The following JHY variants were observed in gnomAD, a reference collection of about 807,000 sequenced individuals.
JHY encodes the protein jhy protein homolog.
Under a neutral mutation model 78.0 loss-of-function variants are expected in JHY, and 69 were observed. The observed-to-expected ratio is 0.88, with a 90% CI of 0.73 to 1.08. The LOEUF is 1.08. JHY is among the 50% of genes least tolerant of loss of function. JHY has a pLI of 0.00. For missense variants in JHY, 944 were observed against 927.8 expected (o/e 1.02, Z -0.23); for synonymous variants, 368 against 342.6 (o/e 1.07, Z -0.82).
intron 6 of JHY, 37 bp from the exon 7 acceptor site, chr11:122,956,459 T>C (rs1336415824): frequency 1.3e-6 from 2 of 1,597,170 alleles, no homozygotes; most frequent in East Asian, 2.2e-5. Flanking sequence ...GACACACAAG[T>C]CCTTAAAAGA....
chr11:122,884,990 T>G (rs74518691), intron 1 of JHY, among the ~76,000 whole-genome samples: 2 of 140,970 alleles, frequency 1.4e-5, no homozygotes, highest in African/African-American at 5.4e-5. Flanking sequence ...TTTTTTTTTT[T>G]GTAGAGATGG....
chr11:122,947,584 T>C lies in JHY; in HGVS notation c.1929+792T>C, dbSNP rs192647677. Reference sequence around the variant, plus strand: ...CTCAGGAAAGGTCACTTGCTTCCAGTGTCAAATCATAAGAAAAAAGCTGGA... The same window carrying C: ...CTCAGGAAAGGTCACTTGCTTCCAGCGTCAAATCATAAGAAAAAAGCTGGA... On this transcript the variant is annotated intron_variant, in intron 6 of 8. Coordinates refer to ENST00000227349, the MANE Select transcript of JHY (RefSeq NM_024806.4). 330 of 152,252 alleles carry C rather than the reference T, an allele frequency of 2.2e-3. 2 individuals carry two copies. Among genetic ancestry groups the C allele is most frequent in the African/African-American group, 7.5e-3 (312 of 41,542 alleles). 9.4% of individuals were successfully genotyped at this position (152,252 alleles called of 1,614,324 possible).
intron 3 of JHY, among the ~76,000 whole-genome samples, chr11:122,906,794 T>C (rs1031911937): frequency 2.0e-5 from 3 of 152,172 alleles, no homozygotes; most frequent in African/African-American, 7.2e-5. Flanking sequence ...CACAGCTGAA[T>C]TTTCTTTTCT....
At position 122,886,057 on chromosome 11, in the gene JHY, G is replaced by A. The variant is rs199817589; in HGVS notation, c.208G>A (p.Glu70Lys). 111 of 1,614,044 alleles carry A rather than the reference G, an allele frequency of 6.9e-5. No homozygotes were observed. The highest frequency in any genetic ancestry group is 9.1e-5 in the Non-Finnish European group (107 of 1,180,052). Residue 70 changes from glutamate (E) to lysine (K), a missense_variant, in exon 2 of 9, where the codon GAG (glutamate) becomes AAG (lysine). Physicochemically the swap from Glu to Lys is moderately conservative, Grantham distance 56. Coordinates refer to ENST00000227349, the MANE Select transcript of JHY (RefSeq NM_024806.4). ...TGATCGAATCCGGGGCAACGGTATG[G>A]AGCCCGACAGCTTAGACGAGGAGGA... ...FDDRIRGNGM[E>K]PDSLDEEESP...
chr11:122,918,310 T>C, intron 3 of JHY, among the ~76,000 whole-genome samples: 1 of 151,426 alleles, frequency 6.6e-6, no homozygotes, highest in East Asian at 1.9e-4. Flanking sequence ...AGGAAGGAGA[T>C]GGGCAACAGA....
chr11:122,934,852 G>A lies in JHY; in HGVS notation c.1411G>A (p.Gly471Arg). Reference sequence around the variant, plus strand: ...TGGGCTGAATGTTAATAAAGAAAGAGGACACAAAGACCAAGAAGAGAAAAG... The same window carrying A: ...TGGGCTGAATGTTAATAAAGAAAGAAGACACAAAGACCAAGAAGAGAAAAG... ...DSGLNVNKERGHKDQEEKRFS... is the reference protein window; with the variant it reads ...DSGLNVNKERRHKDQEEKRFS... Residue 471 changes from glycine (G) to arginine (R), a missense_variant, in exon 5 of 9, where the codon GGA (glycine) becomes AGA (arginine). Gly to Arg is a moderately radical substitution (Grantham distance 125). Coordinates refer to ENST00000227349, the MANE Select transcript of JHY (RefSeq NM_024806.4). 6.2e-7 allele frequency: 1 copy of A among 1,613,896 alleles called. No homozygotes were observed.
chr11:122,954,578 G>A (rs1213645379), intron 6 of JHY, among the ~76,000 whole-genome samples: 2 of 152,176 alleles, frequency 1.3e-5, no homozygotes, highest in South Asian at 2.1e-4. Context: ...GCTAAATTCT[G>A]TCTTAGAAAA....
chr11:122,923,935 C>T (rs1026890440), intron 3 of JHY, among the ~76,000 whole-genome samples: 80 of 116,016 alleles, frequency 6.9e-4, no homozygotes, highest in African/African-American at 2.6e-3. Context: ...GATAGGGTTT[C>T]GCCATCTTGG....
At chr11:122,928,109 TG>T (rs1455867576) in intron 4 of JHY, among the ~76,000 whole-genome samples, 1 of 152,212 alleles carries the variant, frequency 6.6e-6, no homozygotes, top group Non-Finnish European at 1.5e-5. Context: ...CACAGTGCTT[TG>T]CCCAAGGCTG....
intron 4 of JHY, among the ~76,000 whole-genome samples, 172 bp from the exon 5 acceptor site, chr11:122,934,248 G>A (rs1052570533): frequency 5.3e-5 from 8 of 151,798 alleles, no homozygotes; most frequent in Admixed American, 6.6e-5. Flanking sequence ...CCTGGGAGGC[G>A]GAGCTTGCAG....
intron 3 of JHY, among the ~76,000 whole-genome samples, chr11:122,910,194 G>A (rs1324133513): frequency 6.6e-6 from 1 of 152,106 alleles, no homozygotes; most frequent in Non-Finnish European, 1.5e-5. Context: ...GTGGAGAGGG[G>A]CCAGGTGTGG....
Position 122,913,548 on chromosome 11 carries a change from A to T in JHY, c.864+9104A>T, listed in dbSNP as rs371100923. Among the ~76,000 whole-genome samples the T allele has an allele frequency of 7.9e-5, 12 of 152,178 alleles. No individual in the cohort carries two copies. The East Asian group carries it at 2.3e-3, about 29-fold the overall frequency. ...TCAAATGCCTGGCCATACTCCAGGA[A>T]CTCACAGAGCCCAGACCCGGCATTT... On this transcript the variant is annotated intron_variant, in intron 3 of 8. Transcript: ENST00000227349.
In JHY at chr11:122,961,428, C is replaced by T. The variant is rs577122708; in HGVS notation, c.*1983C>T. ...TGCAACTCCGCCTCCTGGATTCAAGCGATTCTCCTGTCTCAGCCTCCCTTC... is the reference window on the plus strand; with the variant it reads ...TGCAACTCCGCCTCCTGGATTCAAGTGATTCTCCTGTCTCAGCCTCCCTTC... On this transcript the variant is annotated 3_prime_UTR_variant, in exon 9 of 9. Transcript: ENST00000227349. Among the ~76,000 whole-genome samples the T allele has an allele frequency of 3.3e-5, 5 of 152,212 alleles. No homozygotes were observed. Among genetic ancestry groups the T allele is most frequent in the Admixed American group, 1.3e-4 (2 of 15,288 alleles).
Position 122,956,570 on chromosome 11 carries a change from A to C in JHY, c.2004A>C (p.Arg668Ser), listed in dbSNP as rs1168070902. 3 of 1,613,128 alleles carry C rather than the reference A, an allele frequency of 1.9e-6. No homozygotes were observed. Among genetic ancestry groups the C allele is most frequent in the Non-Finnish European group, 2.5e-6 (3 of 1,179,412 alleles). The change falls in exon 7 of 9, where the codon AGA (arginine) becomes AGC (serine). Residue 668 changes from arginine to serine, a missense_variant. Physicochemically the swap from Arg to Ser is moderately radical, Grantham distance 110. Coordinates refer to ENST00000227349, the MANE Select transcript of JHY (RefSeq NM_024806.4). ...GGLGPDFESI[R>S]DKTQKLIQQK... ...TCGGACCTGACTTTGAGTCCATCAGAGACAAAGTGAGTGAGATGCACATAC... is the reference window on the plus strand; with the variant it reads ...TCGGACCTGACTTTGAGTCCATCAGCGACAAAGTGAGTGAGATGCACATAC...
Position 122,959,394 on chromosome 11 carries a change from C to T in JHY, c.2286C>T (p.His762=), listed in dbSNP as rs752633878. 5.6e-6 allele frequency: 9 copies of T among 1,614,048 alleles called. No homozygotes were observed. The highest frequency in any genetic ancestry group is 2.2e-5 in the East Asian group (1 of 44,868). Residue 762 remains histidine (H), a synonymous_variant, in exon 9 of 9, where the codon CAC becomes CAT. Transcript: ENST00000227349. ...TGCTGGAAATACTGCAGAACAGACACGAAAGGGAAAAACAGGCTGTGGCTG... is the reference window on the plus strand; with the variant it reads ...TGCTGGAAATACTGCAGAACAGACATGAAAGGGAAAAACAGGCTGTGGCTG... ...ISLLEILQNR[H]EREKQAVAAF...
chr11:122,882,883 C>T lies in JHY; in HGVS notation c.-179C>T, dbSNP rs113540792. On this transcript the variant is annotated 5_prime_UTR_variant, in exon 1 of 9. Transcript: ENST00000227349. ...TTGTCTGCGGTCTCCAGGGCAGCGC[C>T]GGGGCGGGCGGGGGCCCGGGCGGCG... is the stretch of plus-strand genomic sequence containing the variant. 1 of 152,258 alleles carries T rather than the reference C, an allele frequency of 6.6e-6. No homozygotes were observed. The highest frequency in any genetic ancestry group is 1.5e-5 in the Non-Finnish European group (1 of 67,978). The allele number at this position is 152,258 out of a possible 1,614,324, so 9.4% of individuals were successfully genotyped here.
Position 122,960,156 on chromosome 11 carries a change from C to T in JHY, c.*711C>T, listed in dbSNP as rs1176020781. 6.6e-6 allele frequency among the ~76,000 whole-genome samples: 1 copy of T among 152,042 alleles called. No homozygotes were observed. Among genetic ancestry groups the T allele is most frequent in the African/African-American group, 2.4e-5 (1 of 41,410 alleles). On this transcript the variant is annotated 3_prime_UTR_variant, in exon 9 of 9. Coordinates refer to ENST00000227349, the MANE Select transcript of JHY (RefSeq NM_024806.4). ...GGCTGAGGCACAAGAATTGCTTGAA[C>T]CCGGGAGGCAGAGGTTACAGTGAGC... is the stretch of plus-strand genomic sequence containing the variant.
At position 122,960,928 on chromosome 11, in the gene JHY, A is replaced by G. The variant is rs559888725; in HGVS notation, c.*1483A>G. The G allele has an allele frequency of 1.5e-4, 105 of 714,332 alleles. 1 individual carries two copies. Among genetic ancestry groups the G allele is most frequent in the Middle Eastern group, 4.1e-4 (1 of 2,444 alleles). 44.2% of individuals were successfully genotyped at this position (714,332 alleles called of 1,614,324 possible). ...AAGGAAGTAAAGAATCGCCTGGACT[A>G]TCATATATCTGTGCAGAACATGATG... is the stretch of plus-strand genomic sequence containing the variant. On this transcript the variant is annotated 3_prime_UTR_variant, in exon 9 of 9. Transcript: ENST00000227349.
At chr11:122,910,054 A>G (rs1456900213) in intron 3 of JHY, among the ~76,000 whole-genome samples, 2 of 152,262 alleles carry the variant, frequency 1.3e-5, no homozygotes, top group Admixed American at 1.3e-4. Context: ...TAAATAAGTT[A>G]TGGTACATCC....
Sources: allele counts gnomAD v4.1 joint callset (sites outside exome capture counted in the v4.1 genomes callset), GRCh38; gene constraint gnomAD v4.1.1; transcripts MANE v1.5; gene names NCBI Gene and HGNC (gene_info 2026-07-23, HGNC 2026-07-21).